Variants in LHFPL2 observed in about 807,000 individuals in gnomAD.
LHFPL2 encodes LHFPL tetraspan subfamily member 2 protein.
Under a neutral mutation model 17.5 loss-of-function variants are expected in LHFPL2, and 7 were observed. The ratio of observed to expected loss-of-function variants is 0.40; its 90% CI spans 0.23 to 0.75. The LOEUF is 0.75. Among genes scored for constraint, LHFPL2 ranks in the 30% least tolerant of loss-of-function variants. The probability of loss-of-function intolerance (pLI) is 0.37; values close to 1 mark genes in which losing one functional copy is unlikely to be tolerated. For synonymous variants in LHFPL2, 134 were observed against 116.2 expected (o/e 1.15, Z -0.99); for missense variants, 241 against 294.8 (o/e 0.82, Z 1.34).
chr5:78,526,907 A>T (rs764366207), intron 3 of LHFPL2, among the ~76,000 whole-genome samples: 4 of 152,196 alleles, frequency 2.6e-5, no homozygotes, highest in Non-Finnish European at 5.9e-5. Context: ...AGATAAAAAC[A>T]TCCATAGCCC....
At chr5:78,626,507 C>A (rs1367453399) in intron 2 of LHFPL2, 2 of 152,112 alleles carry the variant, frequency 1.3e-5, no homozygotes, top group African/African-American at 2.4e-5. Flanking sequence ...TCTCCACGCC[C>A]CACCCCCAGC....
intron 2 of LHFPL2, among the ~76,000 whole-genome samples, chr5:78,629,193 G>T (rs1320348523): frequency 6.6e-6 from 1 of 152,128 alleles, no homozygotes; most frequent in East Asian, 1.9e-4. Flanking sequence ...AGATGCTAAG[G>T]AACAGGAAAC....
intron 3 of LHFPL2, among the ~76,000 whole-genome samples, chr5:78,521,926 T>C (rs1320986009): frequency 2.0e-5 from 3 of 152,144 alleles, no homozygotes; most frequent in African/African-American, 7.2e-5. Context: ...AATAACCCTA[T>C]GCTGTGTGCA....
In LHFPL2 at chr5:78,487,035, T is replaced by C. The variant is rs984584403; in HGVS notation, c.*1862A>G. On this transcript the variant is annotated 3_prime_UTR_variant, in exon 5 of 5. Coordinates refer to ENST00000380345, the MANE Select transcript of LHFPL2 (RefSeq NM_005779.3). ...CTCTTTCTGTGTGGTGTTAGAGATA[T>C]GGTTAAGGTTTCCTAGGCTGCTATG... is the stretch of plus-strand genomic sequence containing the variant. The C allele has an allele frequency of 3.3e-5, 5 of 152,206 alleles. No individual in the cohort carries two copies. The highest frequency in any genetic ancestry group is 2.0e-4 in the Admixed American group (3 of 15,280). The allele number at this position is 152,206 out of a possible 1,614,324, so 9.4% of individuals were successfully genotyped here.
rs75688922 is a variant in LHFPL2 at position 78,526,784 on chromosome 5, G to A, written c.-185-16386C>T. 9.6e-3 allele frequency among the ~76,000 whole-genome samples: 1,458 copies of A among 152,252 alleles called. 23 individuals are homozygous for A. Among genetic ancestry groups the A allele is most frequent in the African/African-American group, 0.032 (1,314 of 41,544 alleles). ...GAATGCACTTCAAAAACCAAATGAA[G>A]AAGACAAGACAGACCTCCATTCTTT... On this transcript the variant is annotated intron_variant, in intron 3 of 4. Coordinates refer to ENST00000380345, the MANE Select transcript of LHFPL2 (RefSeq NM_005779.3).
At chr5:78,590,107 C>G (rs1743575182) in intron 2 of LHFPL2, 2 of 152,108 alleles carry the variant, frequency 1.3e-5, no homozygotes, top group Non-Finnish European at 2.9e-5. Flanking sequence ...CATCATTATA[C>G]AAACACCCAC....
At position 78,560,670 on chromosome 5, in the gene LHFPL2, C is replaced by T. The variant is rs564959000; in HGVS notation, c.-186+4143G>A. On this transcript the variant is annotated intron_variant, in intron 3 of 4. Coordinates refer to ENST00000380345, the MANE Select transcript of LHFPL2 (RefSeq NM_005779.3). ...AAGGAAAGTAAAAACAGACCTTAAG[C>T]TGTATTACACAAGGCTTACGTAACT... is the stretch of plus-strand genomic sequence containing the variant. Among the ~76,000 whole-genome samples, 12 of 152,334 alleles carry T rather than the reference C, an allele frequency of 7.9e-5. No individual in the cohort carries two copies. The East Asian group carries it at 2.3e-3, about 29-fold the overall frequency.
In LHFPL2 at chr5:78,506,550, G is replaced by C. The variant is rs375987886; in HGVS notation, c.430+3234C>G. On this transcript the variant is annotated intron_variant, in intron 4 of 4. Coordinates refer to ENST00000380345, the MANE Select transcript of LHFPL2 (RefSeq NM_005779.3). ...CAGAGGCTATCACAGATTGGCCAAC[G>C]GGAGAAAGCAAGCCAGCCCTTTCAG... 1.9e-3 allele frequency among the ~76,000 whole-genome samples: 294 copies of C among 152,300 alleles called. 1 individual carries two copies. The highest frequency in any genetic ancestry group is 6.8e-3 in the African/African-American group (283 of 41,564).
Position 78,491,469 on chromosome 5 carries a change from T to C in LHFPL2, c.431-2316A>G, listed in dbSNP as rs547513570. Among the ~76,000 whole-genome samples the C allele has an allele frequency of 6.6e-5, 10 of 152,240 alleles. No individual in the cohort carries two copies. The East Asian group carries it at 1.7e-3, about 26-fold the overall frequency. On this transcript the variant is annotated intron_variant, in intron 4 of 4. Coordinates refer to ENST00000380345, the MANE Select transcript of LHFPL2 (RefSeq NM_005779.3). ...TGCAGACTCTTGGTCGTCTAGAATATGGAAGGTCCTGAACCACAGCAATGA... is the reference window on the plus strand; with the variant it reads ...TGCAGACTCTTGGTCGTCTAGAATACGGAAGGTCCTGAACCACAGCAATGA...
intron 3 of LHFPL2, among the ~76,000 whole-genome samples, chr5:78,554,159 G>A (rs561006502): frequency 6.6e-6 from 1 of 152,374 alleles, no homozygotes; most frequent in African/African-American, 2.4e-5. Flanking sequence ...GTCTATCAGT[G>A]TTGAAAACTT....
intron 1 of LHFPL2, among the ~76,000 whole-genome samples, chr5:78,635,804 A>AAAAC (rs35936466): frequency 0.34 from 51,327 of 151,336 alleles, 8,858 homozygotes; most frequent in African/African-American, 0.38. Flanking sequence ...CTCCGTCTCA[A>AAAAC]AAACAAACAA....
Position 78,489,019 on chromosome 5 carries a change from T to C in LHFPL2, c.565A>G (p.Ile189Val). Residue 189 changes from isoleucine (I) to valine (V), a missense_variant, in exon 5 of 5, where the codon ATT (isoleucine) becomes GTT (valine). Coordinates refer to ENST00000380345, the MANE Select transcript of LHFPL2 (RefSeq NM_005779.3). ...CSLGWAFYTA[I>V]GGTVLTFICA... ...ATGAAAGTGAGGACTGTGCCCCCAA[T>C]GGCGGTATAAAAGGCCCAGCCCAAG... 2.5e-6 allele frequency: 4 copies of C among 1,614,190 alleles called. No homozygotes were observed. The highest frequency in any genetic ancestry group is 3.4e-6 in the Non-Finnish European group (4 of 1,180,024).
intron 2 of LHFPL2, among the ~76,000 whole-genome samples, chr5:78,629,861 A>G (rs1360609566): frequency 6.6e-6 from 1 of 152,238 alleles, no homozygotes; most frequent in Admixed American, 6.5e-5. Flanking sequence ...TTAAAAATAC[A>G]CACACACCCT....
chr5:78,615,431 T>G (rs978819591), intron 2 of LHFPL2, among the ~76,000 whole-genome samples: 6 of 152,196 alleles, frequency 3.9e-5, no homozygotes, highest in Non-Finnish European at 8.8e-5. Context: ...AATCTTAAAC[T>G]GGTAATTAGA....
At chr5:78,552,330 T>C (rs2112395173) in intron 3 of LHFPL2, among the ~76,000 whole-genome samples, 1 of 152,270 alleles carries the variant, frequency 6.6e-6, no homozygotes, top group East Asian at 1.9e-4. Context: ...AGACAGGGTT[T>C]CACCGTGTTA....
chr5:78,514,457 T>A (rs1240192460), intron 3 of LHFPL2, among the ~76,000 whole-genome samples: 1 of 151,434 alleles, frequency 6.6e-6, no homozygotes, highest in Non-Finnish European at 1.5e-5. Context: ...TCTGTGGGAG[T>A]CAGTCCTATG....
intron 3 of LHFPL2, among the ~76,000 whole-genome samples, chr5:78,563,058 G>A (rs1188204286): frequency 6.6e-6 from 1 of 152,164 alleles, no homozygotes; most frequent in Non-Finnish European, 1.5e-5. Flanking sequence ...CTTCCACTCA[G>A]GCAGACAGTG....
intron 3 of LHFPL2, among the ~76,000 whole-genome samples, 200 bp downstream of exon 3, chr5:78,564,613 A>T (rs1468692522): frequency 2.6e-5 from 4 of 152,208 alleles, no homozygotes; most frequent in Non-Finnish European, 5.9e-5. Flanking sequence ...ATTCAATATC[A>T]TTTAAGAAAC....
At chr5:78,595,172 T>C (rs1031636949) in intron 2 of LHFPL2, among the ~76,000 whole-genome samples, 3 of 152,228 alleles carry the variant, frequency 2.0e-5, no homozygotes, top group Non-Finnish European at 2.9e-5. Context: ...AGACAAGCCA[T>C]GTGCAGACAT....
Sources: allele counts gnomAD v4.1 joint callset (sites outside exome capture counted in the v4.1 genomes callset), GRCh38; gene constraint gnomAD v4.1.1; transcripts MANE v1.5; gene names NCBI Gene and HGNC (gene_info 2026-07-23, HGNC 2026-07-21).